Variants in PHACTR3 observed in about 807,000 individuals in gnomAD.
The protein encoded by PHACTR3 is protein phosphatase 1, regulatory subunit 123.
PHACTR3 carries 16 observed loss-of-function variants against 66.8 expected under a neutral mutation model. The observed-to-expected ratio is 0.24, with a 90% confidence interval of 0.16 to 0.36. PHACTR3 has a LOEUF of 0.36. Among genes scored for constraint, PHACTR3 ranks in the 10% least tolerant of loss-of-function variants. PHACTR3 has a pLI of 1.00. For missense variants in PHACTR3, 647 were observed against 719.9 expected, an observed-to-expected ratio of 0.90 and a Z score of 1.16; for synonymous variants, 323 against 292.1, an observed-to-expected ratio of 1.11 and a Z score of -1.08.
At chr20:59,811,543 A>G (rs1352182200) in intron 8 of PHACTR3, among the ~76,000 whole-genome samples, 1 of 152,092 alleles carries the variant, frequency 6.6e-6, no homozygotes, top group Non-Finnish European at 1.5e-5. Flanking sequence ...CCTGTAGTCC[A>G]AGCTACTCAG....
intron 1 of PHACTR3, among the ~76,000 whole-genome samples, chr20:59,685,881 A>G (rs906679900): frequency 6.6e-6 from 1 of 152,126 alleles, no homozygotes; most frequent in African/African-American, 2.4e-5. Context: ...GCCCATCATG[A>G]GGGGGCAGCC....
chr20:59,645,025 C>T (rs2035234052), intron 1 of PHACTR3, among the ~76,000 whole-genome samples: 1 of 151,962 alleles, frequency 6.6e-6, no homozygotes, highest in Non-Finnish European at 1.5e-5. Context: ...TTCGCTCCCT[C>T]CCTTTCTCTT....
chr20:59,764,156 G>A (rs1485288016), intron 4 of PHACTR3, among the ~76,000 whole-genome samples: 1 of 152,130 alleles, frequency 6.6e-6, no homozygotes, highest in Non-Finnish European at 1.5e-5. Context: ...ATCTAGTGAA[G>A]TCTTATGTGG....
intron 7 of PHACTR3, among the ~76,000 whole-genome samples, chr20:59,804,383 T>C (rs1451094523): frequency 6.6e-6 from 1 of 152,216 alleles, no homozygotes; most frequent in Non-Finnish European, 1.5e-5. Context: ...GCTTAAGGAC[T>C]TGGTTCATCA....
intron 11 of PHACTR3, chr20:59,843,894 T>A (rs2059107276): frequency 6.6e-6 from 1 of 151,960 alleles, no homozygotes; most frequent in South Asian, 2.1e-4. Context: ...ACAGGGAATA[T>A]GAGAAAATAT....
At chr20:59,742,780 G>T (rs923269650) in intron 1 of PHACTR3, among the ~76,000 whole-genome samples, 1 of 152,190 alleles carries the variant, frequency 6.6e-6, no homozygotes, top group Non-Finnish European at 1.5e-5. Flanking sequence ...TGGGTGGAGG[G>T]CAGAGCACGA....
intron 7 of PHACTR3, among the ~76,000 whole-genome samples, chr20:59,791,761 G>A (rs1280152682): frequency 2.5e-5 from 3 of 122,216 alleles, no homozygotes; most frequent in African/African-American, 9.9e-5. Context: ...AACAGGCCCC[G>A]GTGTGTGATG....
chr20:59,826,639 C>T (rs2042199787), intron 8 of PHACTR3, among the ~76,000 whole-genome samples: 1 of 151,928 alleles, frequency 6.6e-6, no homozygotes, highest in Non-Finnish European at 1.5e-5. Flanking sequence ...ACCCACTCTC[C>T]CACACACTCT....
At chr20:59,836,223 A>C in intron 8 of PHACTR3, 2 of 404,858 alleles carry the variant, frequency 4.9e-6, no homozygotes, top group African/African-American at 2.1e-5. Context: ...AGACCAGGCA[A>C]GGTTTGGGCG....
intron 11 of PHACTR3, chr20:59,844,318 CA>C (rs1316490751): frequency 2.0e-5 from 3 of 152,030 alleles, no homozygotes; most frequent in Non-Finnish European, 4.4e-5. Flanking sequence ...GGTATACACG[CA>C]AAGGAAATCA....
chr20:59,755,653 G>A, intron 4 of PHACTR3, among the ~76,000 whole-genome samples: 1 of 152,130 alleles, frequency 6.6e-6, no homozygotes, highest in East Asian at 1.9e-4. Flanking sequence ...GCGTCTTTGT[G>A]TTTCCCTGGG....
chr20:59,831,686 C>T (rs193033365), intron 8 of PHACTR3, among the ~76,000 whole-genome samples: 5 of 152,148 alleles, frequency 3.3e-5, no homozygotes, highest in South Asian at 2.1e-4. Flanking sequence ...GCTCCGGCCA[C>T]GTCTCTAGCG....
chr20:59,776,153 A>G (rs1998969), intron 7 of PHACTR3, among the ~76,000 whole-genome samples: 11,130 of 152,238 alleles, frequency 0.073, 956 homozygotes, highest in East Asian at 0.42. Flanking sequence ...TCCTCTTGAC[A>G]TTGACAATGT....
chr20:59,635,139 C>CGTTCTT (rs2034815932), intron 1 of PHACTR3, among the ~76,000 whole-genome samples: 1 of 71,054 alleles, frequency 1.4e-5, no homozygotes, highest in African/African-American at 5.6e-5. Flanking sequence ...TTCTTTCTTT[C>CGTTCTT]TTTCTTTCTT....
intron 1 of PHACTR3, among the ~76,000 whole-genome samples, chr20:59,710,659 C>T (rs1266082830): frequency 6.6e-6 from 1 of 152,150 alleles, no homozygotes; most frequent in Non-Finnish European, 1.5e-5. Flanking sequence ...ATCAATGACT[C>T]CCTAAATTCC....
intron 1 of PHACTR3, among the ~76,000 whole-genome samples, chr20:59,662,741 C>T (rs1414893704): frequency 1.3e-5 from 2 of 151,930 alleles, no homozygotes; most frequent in Non-Finnish European, 2.9e-5. Flanking sequence ...TCTGCAATCG[C>T]TGAGGCAGGA....
intron 1 of PHACTR3, among the ~76,000 whole-genome samples, chr20:59,710,971 T>TA (rs1186649667): frequency 6.6e-6 from 1 of 152,162 alleles, no homozygotes; most frequent in African/African-American, 2.4e-5. Context: ...TAAATAAAAT[T>TA]AAAGTCATTC....
chr20:59,744,704 A>G (rs2146775453), intron 2 of PHACTR3, among the ~76,000 whole-genome samples: 1 of 152,322 alleles, frequency 6.6e-6, no homozygotes. Context: ...CAAGAAGTTG[A>G]TAGATGAATT....
Position 59,738,349 on chromosome 20 carries a change from A to G in PHACTR3, c.119-4758A>G, listed in dbSNP as rs2039029247. ...GATAATAAGGGGGAGGGAGCAGCAG[A>G]GCACAGAGAGCTGCACAAGTTTAGT... On this transcript the variant is annotated intron_variant, in intron 1 of 12. Transcript: ENST00000371015. The surrounding 1 kb of genome is among the most constrained non-coding windows in gnomAD (Gnocchi z 4.4). 6.6e-6 allele frequency among the ~76,000 whole-genome samples: 1 copy of G among 152,150 alleles called. No individual in the cohort carries two copies. Among genetic ancestry groups the G allele is most frequent in the South Asian group, 2.1e-4 (1 of 4,816 alleles).
Sources: allele counts gnomAD v4.1 joint callset (sites outside exome capture counted in the v4.1 genomes callset), GRCh38; gene constraint gnomAD v4.1.1; non-coding constraint Gnocchi (gnomAD v3.1); transcripts MANE v1.5; gene names NCBI Gene and HGNC (gene_info 2026-07-23, HGNC 2026-07-21).